Variants in FHL5 observed in about 807,000 individuals in gnomAD.
The protein encoded by FHL5 is four and a half LIM domains 5.
Under a neutral mutation model 32.0 loss-of-function variants are expected in FHL5, and 33 were observed. The ratio of observed to expected loss-of-function variants is 1.03; its 90% CI spans 0.78 to 1.38. The LOEUF is 1.38. Among genes scored for constraint, FHL5 ranks in the 40% most tolerant of loss-of-function variants. FHL5 has a pLI of 0.00. For missense variants in FHL5, 336 were observed against 343.9 expected (o/e 0.98, Z 0.18); for synonymous variants, 114 against 113.6 (o/e 1.00, Z -0.02).
At chr6:96,571,697 C>A (rs1329218846) in intron 1 of FHL5, among the ~76,000 whole-genome samples, 1 of 152,200 alleles carries the variant, frequency 6.6e-6, no homozygotes, top group East Asian at 1.9e-4. Flanking sequence ...GGGCAGGGCA[C>A]AGCACTGGCC....
At chr6:96,571,466 G>C (rs1207703727) in intron 1 of FHL5, among the ~76,000 whole-genome samples, 1 of 152,192 alleles carries the variant, frequency 6.6e-6, no homozygotes, top group Non-Finnish European at 1.5e-5. Flanking sequence ...AGCTGCAGTG[G>C]CATGGGTTCT....
intron 1 of FHL5, among the ~76,000 whole-genome samples, chr6:96,585,041 G>C (rs915768907): frequency 6.6e-6 from 1 of 152,094 alleles, no homozygotes; most frequent in African/African-American, 2.4e-5. Context: ...AAATCCTACT[G>C]ACTGTCCATC....
intron 1 of FHL5, among the ~76,000 whole-genome samples, chr6:96,588,233 C>T (rs536488202): frequency 2.0e-5 from 3 of 152,000 alleles, no homozygotes; most frequent in Admixed American, 1.3e-4. Context: ...TTTTTTGAGA[C>T]GAAGTCTCAC....
chr6:96,564,388 G>C (rs1770309139), intron 1 of FHL5, among the ~76,000 whole-genome samples: 1 of 152,110 alleles, frequency 6.6e-6, no homozygotes, highest in South Asian at 2.1e-4. Flanking sequence ...TTAAGGGGAA[G>C]GTAAACTCTA....
intron 1 of FHL5, among the ~76,000 whole-genome samples, chr6:96,602,426 C>CTTTCT (rs1771169538): frequency 3.0e-5 from 1 of 33,684 alleles, no homozygotes; most frequent in Non-Finnish European, 6.5e-5. Context: ...TGCGTTGTTT[C>CTTTCT]TTTTTTTTTT....
intron 1 of FHL5, among the ~76,000 whole-genome samples, chr6:96,591,638 C>G (rs76526104): frequency 0.026 from 3,981 of 151,842 alleles, 58 homozygotes; most frequent in Non-Finnish European, 0.031. Flanking sequence ...GTCTAGCTTC[C>G]TTTTTTTTCT....
intron 5 of FHL5, among the ~76,000 whole-genome samples, chr6:96,613,200 CATGTT>C (rs1206928621): frequency 1.3e-5 from 2 of 150,524 alleles, no homozygotes; most frequent in African/African-American, 4.9e-5. Flanking sequence ...TATACAAAAA[CATGTT>C]ATATAATATA....
In FHL5 at chr6:96,604,753, C is replaced by G; in HGVS notation, c.163C>G (p.Leu55Val). 6.2e-7 allele frequency: 1 copy of G among 1,604,788 alleles called. No individual in the cohort carries two copies. Among genetic ancestry groups the G allele is most frequent in the Middle Eastern group, 1.7e-4 (1 of 5,998 alleles). ...KKPIESDSKD[L>V]CYKDRHWHEG... ...ACTTTTATTTACTGTCTCAAAGGAT[C>G]TTTGTTACAAAGACCGGCACTGGCA... Residue 55 changes from leucine to valine, a missense_variant, in exon 3 of 6, where the codon CTT (leucine) becomes GTT (valine). Transcript: ENST00000450218.
chr6:96,611,078 G>C (rs755139939), intron 5 of FHL5, among the ~76,000 whole-genome samples: 5 of 152,182 alleles, frequency 3.3e-5, no homozygotes, highest in Non-Finnish European at 5.9e-5. Flanking sequence ...GAGGAGATCT[G>C]CTTGCAGCCT....
At chr6:96,577,585 G>C (rs1010107770) in intron 1 of FHL5, among the ~76,000 whole-genome samples, 2 of 152,120 alleles carry the variant, frequency 1.3e-5, no homozygotes, top group Non-Finnish European at 2.9e-5. Context: ...ATAGTAACTT[G>C]AGTTGCCCCA....
intron 1 of FHL5, among the ~76,000 whole-genome samples, chr6:96,602,594 TGCATTGTTTCTTAATG>T (rs1401963766): frequency 2.0e-5 from 3 of 151,732 alleles, no homozygotes; most frequent in Non-Finnish European, 2.9e-5. Flanking sequence ...CTACAGGCTG[TGCATTGTTTCTTAATG>T]GCTTTCCAAA....
Position 96,577,872 on chromosome 6 carries a change from CTT to C in FHL5, c.-13+14518_-13+14519del, listed in dbSNP as rs1770615642. 5.3e-5 allele frequency among the ~76,000 whole-genome samples: 8 copies of C among 151,108 alleles called. No individual in the cohort carries two copies. In the South Asian group the frequency reaches 1.7e-3, roughly 32 times the overall value. On this transcript the variant is annotated intron_variant, in intron 1 of 5. Coordinates refer to ENST00000450218, the MANE Select transcript of FHL5 (RefSeq NM_001322466.2). Reference sequence around the variant, plus strand: ...TCTACGTGGAAAACAAAACAAATGGCTTCTGTGAGAAGCCTGGAAACCTGAAT... The same window carrying C: ...TCTACGTGGAAAACAAAACAAATGGCCTGTGAGAAGCCTGGAAACCTGAAT...
At chr6:96,599,017 C>T (rs1395925485) in intron 1 of FHL5, among the ~76,000 whole-genome samples, 1 of 152,062 alleles carries the variant, frequency 6.6e-6, no homozygotes, top group Non-Finnish European at 1.5e-5. Flanking sequence ...TCTTGTGAGT[C>T]TATTCATTCT....
At chr6:96,607,125 G>A (rs1049459443) in intron 4 of FHL5, among the ~76,000 whole-genome samples, 1 of 152,040 alleles carries the variant, frequency 6.6e-6, no homozygotes, top group African/African-American at 2.4e-5. Context: ...ATGTGAAAAA[G>A]TAGCTCTAAC....
chr6:96,581,682 T>A (rs1770699932), intron 1 of FHL5, among the ~76,000 whole-genome samples: 1 of 152,142 alleles, frequency 6.6e-6, no homozygotes, highest in South Asian at 2.1e-4. Context: ...AGTAGGTGAA[T>A]CAATGAGGGG....
intron 1 of FHL5, among the ~76,000 whole-genome samples, chr6:96,585,066 C>T (rs928516887): frequency 1.3e-5 from 2 of 152,104 alleles, no homozygotes; most frequent in Non-Finnish European, 2.9e-5. Flanking sequence ...ACCTTTTGCC[C>T]TTAAGAGCAA....
In FHL5 at chr6:96,602,415, A is replaced by T. The variant is rs1771167576; in HGVS notation, c.-12-1187A>T. On this transcript the variant is annotated intron_variant, in intron 1 of 5. Transcript: ENST00000450218. ...GCCTAATTAAAACCTGGAAATCTAT[A>T]TGCGTTGTTTCTTTTTTTTTTTTTT... 4.8e-5 allele frequency among the ~76,000 whole-genome samples: 5 copies of T among 104,332 alleles called. 1 individual carries two copies. Among genetic ancestry groups the T allele is most frequent in the Middle Eastern group, 6.7e-3 (1 of 150 alleles). The allele number at this position is 104,332 out of a possible 152,430, so 68.4% of individuals were successfully genotyped here.
Position 96,617,067 on chromosome 6 carries a change from G to A in FHL5, c.*1295G>A, listed in dbSNP as rs1055597484. 1.3e-5 allele frequency among the ~76,000 whole-genome samples: 2 copies of A among 152,182 alleles called. No homozygotes were observed. Among genetic ancestry groups the A allele is most frequent in the African/African-American group, 4.8e-5 (2 of 41,436 alleles). ...ATCACACAGGAAGTAAAGAGCCTTA[G>A]TGAGAAGTCCATCACCAGGTTTATC... On this transcript the variant is annotated 3_prime_UTR_variant, in exon 6 of 6. Coordinates refer to ENST00000450218, the MANE Select transcript of FHL5 (RefSeq NM_001322466.2).
intron 1 of FHL5, among the ~76,000 whole-genome samples, chr6:96,594,943 C>T (rs1237712643): frequency 6.6e-6 from 1 of 151,790 alleles, no homozygotes; most frequent in Non-Finnish European, 1.5e-5. Context: ...TGCTATTTTC[C>T]CCAGTACATT....
Sources: gnomAD v4.1 joint callset for allele counts (sites outside exome capture counted in the v4.1 genomes callset) on GRCh38, gnomAD v4.1.1 for gene constraint, MANE v1.5 for transcripts, NCBI Gene and HGNC (gene_info 2026-07-23, HGNC 2026-07-21) for gene names.